Variants in DTWD2 observed in about 807,000 individuals in gnomAD.
The protein encoded by DTWD2 is tRNA-uridine aminocarboxypropyltransferase 2.
Under a neutral mutation model 31.8 loss-of-function variants are expected in DTWD2, and 39 were observed. That is an observed-to-expected ratio of 1.22 (90% CI 0.95 to 1.60). The LOEUF (loss-of-function observed/expected upper bound fraction) is 1.60. DTWD2 is among the 40% of genes most tolerant of loss of function. The pLI is 0.00. For missense variants in DTWD2, 515 were observed against 381.5 expected (o/e 1.35, Z -2.92); for synonymous variants, 180 against 142.8 (o/e 1.26, Z -1.86).
chr5:118,876,664 C>T (rs1026426954), intron 4 of DTWD2, among the ~76,000 whole-genome samples: 2 of 152,000 alleles, frequency 1.3e-5, no homozygotes, highest in African/African-American at 4.8e-5. Context: ...ACACATACAC[C>T]CTCCCAAGAC....
chr5:118,844,930 A>C (rs914200978), intron 5 of DTWD2, among the ~76,000 whole-genome samples: 5 of 152,074 alleles, frequency 3.3e-5, no homozygotes, highest in African/African-American at 1.2e-4. Flanking sequence ...ATCCCCTAGG[A>C]GTTCAAGACC....
intron 1 of DTWD2, among the ~76,000 whole-genome samples, chr5:118,955,742 A>G (rs1754569859): frequency 6.6e-6 from 1 of 151,986 alleles, no homozygotes; most frequent in Non-Finnish European, 1.5e-5. Context: ...TAGTAGTACA[A>G]CCAGTGAATA....
rs1025451393 is a variant in DTWD2 at position 118,933,878 on chromosome 5, C to A, written c.405-5149G>T. On this transcript the variant is annotated intron_variant, in intron 3 of 5. Coordinates refer to ENST00000510708, the MANE Select transcript of DTWD2 (RefSeq NM_173666.4). ...ATGTAGAAAAGTCCAGGGAACTGACCTAAATAAATAAATAAATAAATAAAT... is the reference window on the plus strand; with the variant it reads ...ATGTAGAAAAGTCCAGGGAACTGACATAAATAAATAAATAAATAAATAAAT... Among the ~76,000 whole-genome samples, 15 of 145,410 alleles carry A rather than the reference C, an allele frequency of 1.0e-4. No homozygotes were observed. The South Asian group carries it at 1.1e-3, about 11-fold the overall frequency.
intron 4 of DTWD2, among the ~76,000 whole-genome samples, chr5:118,926,899 G>C (rs1208178003): frequency 6.6e-6 from 1 of 152,114 alleles, no homozygotes; most frequent in Non-Finnish European, 1.5e-5. Flanking sequence ...AAGAAATTTA[G>C]TACTTGTTTT....
chr5:118,949,813 G>A (rs933520165), intron 1 of DTWD2, among the ~76,000 whole-genome samples: 1 of 152,288 alleles, frequency 6.6e-6, no homozygotes, highest in African/African-American at 2.4e-5. Context: ...AGTTGTGGCT[G>A]TAGCCTAGGA....
chr5:118,951,421 T>G (rs371935283), intron 1 of DTWD2, among the ~76,000 whole-genome samples: 1 of 151,966 alleles, frequency 6.6e-6, no homozygotes, highest in East Asian at 1.9e-4. Context: ...TTGGGACGAG[T>G]TGCATTGGGA....
At chr5:118,949,929 G>A (rs570897978) in intron 1 of DTWD2, among the ~76,000 whole-genome samples, 110 of 152,240 alleles carry the variant, frequency 7.2e-4, no homozygotes, top group Non-Finnish European at 9.6e-4. Context: ...TTGTCTAAGC[G>A]GCCGGGCGCG....
chr5:118,968,870 C>T (rs1481940135), intron 1 of DTWD2, among the ~76,000 whole-genome samples: 8 of 152,206 alleles, frequency 5.3e-5, no homozygotes, highest in African/African-American at 9.7e-5. Flanking sequence ...TGTTAACACC[C>T]ACTGGCTTGG....
chr5:118,848,110 T>C lies in DTWD2; in HGVS notation c.706A>G (p.Lys236Glu). ...CAAVALSILEKNNYIQETLLR... is the reference protein window; with the variant it reads ...CAAVALSILEENNYIQETLLR... The stretch of plus-strand genomic sequence containing the variant: ...CGTACCTCTTGTATGTAATTATTTT[T>C]CTCCAAGATGGAAAGAGCAACAGCT... Residue 236 changes from lysine (K) to glutamate (E), a missense_variant, in exon 5 of 6, where the codon AAA becomes GAA. Physicochemically the swap from Lys to Glu is moderately conservative, Grantham distance 56. Coordinates refer to ENST00000510708, the MANE Select transcript of DTWD2 (RefSeq NM_173666.4). The C allele has an allele frequency of 1.3e-6, 2 of 1,573,428 alleles. No individual in the cohort carries two copies. Among genetic ancestry groups the C allele is most frequent in the Non-Finnish European group, 1.7e-6 (2 of 1,164,424 alleles).
chr5:118,968,086 T>G (rs1055126657), intron 1 of DTWD2, among the ~76,000 whole-genome samples: 1 of 152,024 alleles, frequency 6.6e-6, no homozygotes, highest in Admixed American at 6.6e-5. Context: ...TAGCTAGTCT[T>G]ACCAAAAATG....
intron 4 of DTWD2, among the ~76,000 whole-genome samples, chr5:118,884,810 T>C (rs924532602): frequency 9.9e-5 from 15 of 150,850 alleles, no homozygotes; most frequent in African/African-American, 3.7e-4. Flanking sequence ...ATCCAGACCA[T>C]CCTGGCTAAC....
At position 118,861,359 on chromosome 5, in the gene DTWD2, T is replaced by A. The variant is rs142624807; in HGVS notation, c.598-13141A>T. 7.1e-3 allele frequency among the ~76,000 whole-genome samples: 1,082 copies of A among 152,368 alleles called. 7 individuals carry two copies. The highest frequency in any genetic ancestry group is 0.014 in the Middle Eastern group (4 of 294). ...AAATAGTTTCATTCTTGGGGCTTCATCTACCCATTTCAACAGTGCTGAAAG... is the reference window on the plus strand; with the variant it reads ...AAATAGTTTCATTCTTGGGGCTTCAACTACCCATTTCAACAGTGCTGAAAG... On this transcript the variant is annotated intron_variant, in intron 4 of 5. Transcript: ENST00000510708.
At chr5:118,965,926 T>C (rs1754836185) in intron 1 of DTWD2, among the ~76,000 whole-genome samples, 1 of 138,746 alleles carries the variant, frequency 7.2e-6, no homozygotes, top group South Asian at 2.2e-4. Context: ...CACCCAAGAA[T>C]GATCAATAAA....
rs895629061 is a variant in DTWD2, at chr5:118,977,936, T to C, written c.218+10358A>G. 3.3e-5 allele frequency among the ~76,000 whole-genome samples: 5 copies of C among 152,180 alleles called. 1 individual carries two copies. In the South Asian group the frequency reaches 1.0e-3, roughly 31 times the overall value. On this transcript the variant is annotated intron_variant, in intron 1 of 5. Transcript: ENST00000510708. ...TTACACTACCTGAGAGGCATTACAC[T>C]ACCTGACTTCAAACTATACTACAAG...
intron 5 of DTWD2, among the ~76,000 whole-genome samples, chr5:118,842,951 C>CTTTTTTTTTTTTTTTTT: frequency 7.2e-6 from 1 of 139,730 alleles, no homozygotes; most frequent in African/African-American, 2.7e-5. Flanking sequence ...TTTCTTCTTC[C>CTTTTTTTTTTTTTTTTT]TCTTTTTTTT....
intron 1 of DTWD2, among the ~76,000 whole-genome samples, chr5:118,985,490 T>TTTTATATA (rs139994443): frequency 2.1e-5 from 2 of 95,418 alleles, no homozygotes; most frequent in Non-Finnish European, 4.4e-5. Context: ...ATGTGCATTT[T>TTTTATATA]TATATATATA....
At chr5:118,885,456 CAAAAAAAAAAA>C (rs34550372) in intron 4 of DTWD2, among the ~76,000 whole-genome samples, 20 of 57,518 alleles carry the variant, frequency 3.5e-4, no homozygotes, top group African/African-American at 1.4e-3. Flanking sequence ...GACTCCACCT[CAAAAAAAAAAA>C]AAAAAAAAAA....
At chr5:118,986,256 G>A (rs1198347877) in intron 1 of DTWD2, among the ~76,000 whole-genome samples, 2 of 152,078 alleles carry the variant, frequency 1.3e-5, no homozygotes, top group African/African-American at 4.8e-5. Context: ...AGAGGTAAAT[G>A]GAATACAGGC....
intron 4 of DTWD2, among the ~76,000 whole-genome samples, chr5:118,913,490 G>T (rs1182666025): frequency 6.7e-6 from 1 of 149,192 alleles, no homozygotes; most frequent in Non-Finnish European, 1.5e-5. Flanking sequence ...ACTCATCAGT[G>T]AGTATGGTCT....
Sources: allele counts gnomAD v4.1 joint callset (sites outside exome capture counted in the v4.1 genomes callset), GRCh38; gene constraint gnomAD v4.1.1; transcripts MANE v1.5; gene names NCBI Gene and HGNC (gene_info 2026-07-23, HGNC 2026-07-21).